The following FRYL variants were observed in gnomAD, a reference collection of about 807,000 sequenced individuals.
FRYL encodes the protein protein furry homolog-like.
In FRYL, 150 loss-of-function variants were observed where a neutral mutation model predicts 351.2. The ratio of observed to expected loss-of-function variants is 0.43; its 90% CI spans 0.37 to 0.49. The LOEUF (loss-of-function observed/expected upper bound fraction) is 0.49. Ranked by LOEUF, FRYL falls within the 20% of genes least tolerant of loss-of-function variation. The pLI is 0.00. For missense variants in FRYL, 3,036 were observed against 3,619.3 expected (o/e 0.84, Z 4.13); for synonymous variants, 1,153 against 1,257.1 (o/e 0.92, Z 1.75).
intron 1 of FRYL, among the ~76,000 whole-genome samples, chr4:48,741,531 T>C (rs1472913490): frequency 1.3e-5 from 2 of 151,630 alleles, no homozygotes; most frequent in Non-Finnish European, 2.9e-5. Flanking sequence ...CAGAGAGGGA[T>C]TCTGTCTGAA....
chr4:48,632,100 A>ATATATATATGTATATG (rs1553957590), intron 4 of FRYL, among the ~76,000 whole-genome samples: 1 of 29,318 alleles, frequency 3.4e-5, no homozygotes, highest in Non-Finnish European at 7.4e-5. Flanking sequence ...AAATATATAT[A>ATATATATATGTATATG]TATATATATA....
At chr4:48,704,334 A>AGG (rs2149580744) in intron 2 of FRYL, among the ~76,000 whole-genome samples, 1 of 152,336 alleles carries the variant, frequency 6.6e-6, no homozygotes, top group African/African-American at 2.4e-5. Context: ...TCACTCACAA[A>AGG]GGGGAAATTA....
chr4:48,721,321 G>A (rs1156330781), intron 1 of FRYL, among the ~76,000 whole-genome samples: 1 of 151,806 alleles, frequency 6.6e-6, no homozygotes, highest in Non-Finnish European at 1.5e-5. Flanking sequence ...AATGTTATAA[G>A]GAAAATGTGC....
chr4:48,616,651 T>C (rs568053229), intron 7 of FRYL, among the ~76,000 whole-genome samples: 1 of 152,284 alleles, frequency 6.6e-6, no homozygotes, highest in South Asian at 2.1e-4. Context: ...TCCAAACGTG[T>C]GATTATTACA....
chr4:48,618,778 C>T (rs1712771), intron 7 of FRYL: 150,099 of 152,570 alleles, frequency 0.98, 73,870 homozygotes, highest in East Asian at 1. Flanking sequence ...CATTCTAATA[C>T]TCATTGAATG....
At chr4:48,594,601 C>A (rs1578267081) in intron 15 of FRYL, among the ~76,000 whole-genome samples, 1 of 152,164 alleles carries the variant, frequency 6.6e-6, no homozygotes, top group Non-Finnish European at 1.5e-5. Flanking sequence ...TTACTGATAC[C>A]CTTATACTTA....
rs766163060 is a variant in FRYL, at chr4:48,567,539, G to T, written c.2997-119C>A. On this transcript the variant is annotated intron_variant, in intron 27 of 63. Transcript: ENST00000358350. The surrounding 1 kb of genome is among the most constrained non-coding windows in gnomAD (Gnocchi z 4.2). ...TAATTTTGCATGCTCATGGCAGCAC[G>T]CAACTTAATATATGAAAATTAAATG... 1 of 623,712 alleles carries T rather than the reference G, an allele frequency of 1.6e-6. No homozygotes were observed. The highest frequency in any genetic ancestry group is 3.1e-5 in the East Asian group (1 of 32,298). 38.6% of individuals were successfully genotyped at this position (623,712 alleles called of 1,614,324 possible). A position where few individuals can be genotyped will look rare whatever the true frequency, so the allele number is the denominator to read the frequency against.
intron 1 of FRYL, among the ~76,000 whole-genome samples, chr4:48,777,995 T>C (rs1776207151): frequency 1.3e-5 from 2 of 151,996 alleles, no homozygotes; most frequent in African/African-American, 2.4e-5. Context: ...AGACCAGCCG[T>C]CTATACGAAA....
chr4:48,768,262 G>A (rs540137201), intron 1 of FRYL, among the ~76,000 whole-genome samples: 4 of 152,198 alleles, frequency 2.6e-5, no homozygotes, highest in African/African-American at 7.2e-5. Flanking sequence ...ACTCACAAAC[G>A]CACAAATGGA....
intron 6 of FRYL, 29 bp from the exon 7 acceptor site, chr4:48,619,399 C>A: frequency 2.3e-6 from 3 of 1,303,958 alleles, no homozygotes; most frequent in Non-Finnish European, 2.1e-6. Context: ...ATTAGTACTG[C>A]ATTAAGATTA....
At position 48,718,158 on chromosome 4, in the gene FRYL, G is replaced by T. The variant is rs1045875072; in HGVS notation, c.-383-7460C>A. Among the ~76,000 whole-genome samples the T allele has an allele frequency of 2.0e-5, 3 of 151,386 alleles. 1 individual carries two copies. Among genetic ancestry groups the T allele is most frequent in the Admixed American group, 1.3e-4 (2 of 15,046 alleles). On this transcript the variant is annotated intron_variant, in intron 1 of 63. Transcript: ENST00000358350. The stretch of plus-strand genomic sequence containing the variant: ...ACAGAGTTGCATCCTAGAGTAAATT[G>T]TGTTTATTCTAAAATCAGTTTATGT...
intron 5 of FRYL, among the ~76,000 whole-genome samples, chr4:48,621,130 G>A (rs1750558330): frequency 6.6e-6 from 1 of 152,124 alleles, no homozygotes; most frequent in Admixed American, 6.6e-5. Flanking sequence ...TTCTGCCCTG[G>A]CAACTCCTAT....
rs1733320612 is a variant in FRYL, at chr4:48,553,383, C to A, written c.4267G>T (p.Val1423Leu). 1 of 1,601,000 alleles carries A rather than the reference C, an allele frequency of 6.2e-7. No homozygotes were observed. The highest frequency in any genetic ancestry group is 8.5e-7 in the Non-Finnish European group (1 of 1,174,772). The change falls in exon 36 of 64, where the codon GTG (valine) becomes TTG (leucine). Residue 1423 changes from valine to leucine, a missense_variant and splice_region_variant. Val to Leu is a conservative substitution (Grantham distance 32). This residue lies in a region of FRYL where 1,987 missense variants were observed against 2,311.7 expected (regional missense o/e 0.86). Transcript: ENST00000358350. Reference protein sequence around the residue: ...VNSEPSLLPYVKKVIVYLGRD... With the variant: ...VNSEPSLLPYLKKVIVYLGRD... ...CCTAAATATACAATGACCTTCTTCACCTGTCACAAAAGAAATCGTTCAGAA... is the reference window on the plus strand; with the variant it reads ...CCTAAATATACAATGACCTTCTTCAACTGTCACAAAAGAAATCGTTCAGAA...
In FRYL at chr4:48,521,101, C is replaced by T. The variant is rs201154883; in HGVS notation, c.7636G>A (p.Glu2546Lys). The change falls in exon 55 of 64, where the codon GAG (glutamate) becomes AAG (lysine). Residue 2546 changes from glutamate to lysine, a missense_variant. Glu to Lys is a moderately conservative substitution (Grantham distance 56, BLOSUM62 1). Around this residue, in one of 7 missense-constraint regions of FRYL, gnomAD observed 1,987 missense variants for 2,311.7 expected, o/e 0.86. Transcript: ENST00000358350. ...TTEEVLQIRD[E>K]TPTLEASLDN... ...AGAGAAGCCTCCAAAGTTGGGGTCT[C>T]ATCCCTGATTTGAAGCACTTCCTCT... 30 of 1,613,748 alleles carry T rather than the reference C, an allele frequency of 1.9e-5. No homozygotes were observed. The African/African-American group carries it at 3.7e-4, about 20-fold the overall frequency.
Position 48,546,205 on chromosome 4 carries a change from C to T in FRYL, c.5141G>A (p.Ser1714Asn). Residue 1714 changes from serine to asparagine, a missense_variant, in exon 42 of 64, where the codon AGT becomes AAT. Transcript: ENST00000358350. ...SPMTDSGLSSSSTSSSISLGN... is the reference protein window; with the variant it reads ...SPMTDSGLSSNSTSSSISLGN... Reference sequence around the variant, plus strand: ...TAAGCTGATACTAGAAGAGGTAGAACTTGAGCTAAGCCCTGAGTCAGTCAT... The same window carrying T: ...TAAGCTGATACTAGAAGAGGTAGAATTTGAGCTAAGCCCTGAGTCAGTCAT... The T allele has an allele frequency of 1.2e-6, 2 of 1,613,726 alleles. No homozygotes were observed. Among genetic ancestry groups the T allele is most frequent in the Non-Finnish European group, 1.7e-6 (2 of 1,179,800 alleles).
At chr4:48,589,337 T>C (rs1388507863) in intron 18 of FRYL, among the ~76,000 whole-genome samples, 1 of 151,520 alleles carries the variant, frequency 6.6e-6, no homozygotes, top group East Asian at 1.9e-4. Flanking sequence ...TGCCCCTTAG[T>C]TCCTAGGAGT....
At position 48,561,516 on chromosome 4, in the gene FRYL, C is replaced by T. The variant is rs1391290017; in HGVS notation, c.3817G>A (p.Glu1273Lys). Residue 1273 changes from glutamate (E) to lysine (K), a missense_variant, in exon 33 of 64, where the codon GAG becomes AAG. Physicochemically the swap from Glu to Lys is moderately conservative, Grantham distance 56. Around this residue, in one of 7 missense-constraint regions of FRYL, gnomAD observed 1,987 missense variants for 2,311.7 expected, o/e 0.86. Transcript: ENST00000358350. ...TCAGGATACGCCCTTGCTAGTTCCT[C>T]GGACAACTGATAATATGAAACAGAA... Reference protein sequence around the residue: ...LYSVSYYQLSEELARAYPELT... With the variant: ...LYSVSYYQLSKELARAYPELT... 4 of 1,611,104 alleles carry T rather than the reference C, an allele frequency of 2.5e-6. No individual in the cohort carries two copies. The highest frequency in any genetic ancestry group is 1.3e-5 in the African/African-American group (1 of 74,868).
At position 48,499,146 on chromosome 4, in the gene FRYL, T is replaced by G. The variant is rs543006734; in HGVS notation, c.*276A>C. On this transcript the variant is annotated 3_prime_UTR_variant, in exon 64 of 64. Transcript: ENST00000358350. Reference sequence around the variant, plus strand: ...CTTTCCCCAGAAAGTAATGTATTTGTAGGCATCACTTTTAGCCCTTTTCTT... The same window carrying G: ...CTTTCCCCAGAAAGTAATGTATTTGGAGGCATCACTTTTAGCCCTTTTCTT... 3 of 338,280 alleles carry G rather than the reference T, an allele frequency of 8.9e-6. No homozygotes were observed. The South Asian group carries it at 1.1e-4, about 12-fold the overall frequency. 21.0% of individuals were successfully genotyped at this position (338,280 alleles called of 1,614,324 possible). A position where few individuals can be genotyped will look rare whatever the true frequency, so the allele number is the denominator to read the frequency against.
intron 20 of FRYL, 78 bp downstream of exon 20, chr4:48,582,419 A>C: frequency 1.1e-6 from 1 of 881,096 alleles, no homozygotes; most frequent in Non-Finnish European, 1.8e-6. Context: ...TGTTTGATAA[A>C]GTAAATCTGT....
Sources: gnomAD v4.1 joint callset for allele counts (sites outside exome capture counted in the v4.1 genomes callset) on GRCh38, gnomAD v4.1.1 for gene constraint, gnomAD v4.1.1 regional missense constraint, Gnocchi (gnomAD v3.1) non-coding constraint, MANE v1.5 for transcripts, NCBI Gene and HGNC (gene_info 2026-07-23, HGNC 2026-07-21) for gene names.